The following SPACA6 variants were observed in gnomAD, a reference collection of about 807,000 sequenced individuals.
SPACA6 encodes the protein sperm acrosome associated 6.
For missense variants in SPACA6, 8 were observed against 2.8 expected (o/e 2.88, Z -1.34); for synonymous variants, 6 against 1.5 (o/e 4.05, Z -2.21).
At position 51,704,193 on chromosome 19, in the gene SPACA6, C is replaced by A; in HGVS notation, c.730+7C>A. On this transcript the variant is annotated splice_region_variant and intron_variant, in intron 7 of 8. Transcript: ENST00000637797. ...CTCTACTTCTTTCTTAACGGTGGGG[C>A]GGGGCGCGGCCGCGTGAGTGAGCGG... 2.5e-6 allele frequency: 1 copy of A among 400,788 alleles called. No homozygotes were observed. The allele number at this position is 400,788 out of a possible 1,614,324, so 24.8% of individuals were successfully genotyped here. A position where few individuals can be genotyped will look rare whatever the true frequency, so the allele number is the denominator to read the frequency against.
At chr19:51,700,871 A>G (rs1292372044) in intron 2 of SPACA6, among the ~76,000 whole-genome samples, 1 of 152,150 alleles carries the variant, frequency 6.6e-6, no homozygotes, top group African/African-American at 2.4e-5. Flanking sequence ...ATGTGCTAAA[A>G]ACAAGCCAGC....
chr19:51,706,438 A>G (rs2083516095), downstream of SPACA6, among the ~76,000 whole-genome samples: 2 of 152,146 alleles, frequency 1.3e-5, no homozygotes, highest in African/African-American at 4.8e-5. Flanking sequence ...GCTACTTTCC[A>G]GCCCCAGTGG....
chr19:51,693,294 A>T, upstream of SPACA6: 1 of 750,148 alleles, frequency 1.3e-6, no homozygotes, highest in Non-Finnish European at 2.5e-6. Flanking sequence ...ACCTGTGAGG[A>T]CATCCAGGGT....
upstream of SPACA6, chr19:51,687,795 T>C (rs992480414): frequency 6.6e-6 from 1 of 152,412 alleles, no homozygotes; most frequent in Non-Finnish European, 1.5e-5. Flanking sequence ...TAGTTCCCCA[T>C]TGAAAGCAAC....
chr19:51,707,569 G>C (rs532735906), downstream of SPACA6, among the ~76,000 whole-genome samples: 66 of 152,190 alleles, frequency 4.3e-4, 1 homozygote, highest in African/African-American at 1.5e-3. Flanking sequence ...ACATGTATGG[G>C]ATTCTACCTC....
At chr19:51,701,254 G>C (rs528785599) in intron 2 of SPACA6, among the ~76,000 whole-genome samples, 2 of 152,232 alleles carry the variant, frequency 1.3e-5, no homozygotes, top group South Asian at 2.1e-4. Flanking sequence ...AAGGTGGGCA[G>C]TAGGGATGGG....
Position 51,704,306 on chromosome 19 carries a change from A to C in SPACA6, c.767A>C (p.Gln256Pro), listed in dbSNP as rs984061127. The change falls in exon 8 of 9, where the codon CAG (glutamine) becomes CCG (proline). Residue 256 changes from glutamine to proline, a missense_variant. Gln to Pro is a moderately conservative substitution (Grantham distance 76). Coordinates refer to ENST00000637797, the MANE Select transcript of SPACA6 (RefSeq NM_001316972.2). ...GPPPRAETEL[Q>P]ASFREVLRWA... Reference sequence around the variant, plus strand: ...CCCCCGCGGGCGGAGACAGAGTTGCAGGCCTCGTTCCGGGAAGTGCTGCGC... The same window carrying C: ...CCCCCGCGGGCGGAGACAGAGTTGCCGGCCTCGTTCCGGGAAGTGCTGCGC... 8.2e-5 allele frequency: 33 copies of C among 400,634 alleles called. No homozygotes were observed. Among genetic ancestry groups the C allele is most frequent in the Non-Finnish European group, 1.3e-4 (29 of 226,060 alleles). 24.8% of individuals were successfully genotyped at this position (400,634 alleles called of 1,614,324 possible).
At position 51,705,179 on chromosome 19, in the gene SPACA6, AT is replaced by A; in HGVS notation, c.*59del. ...TTTCCATCCTGAAAATAAAGAATAT[AT>A]TTCAACTCTAGATTGTTTCATCTCC... On this transcript the variant is annotated 3_prime_UTR_variant, in exon 9 of 9. Coordinates refer to ENST00000637797, the MANE Select transcript of SPACA6 (RefSeq NM_001316972.2). 1 of 401,200 alleles carries A rather than the reference AT, an allele frequency of 2.5e-6. No individual in the cohort carries two copies. The highest frequency in any genetic ancestry group is 4.4e-6 in the Non-Finnish European group (1 of 226,216). The allele number at this position is 401,200 out of a possible 1,614,324, so 24.9% of individuals were successfully genotyped here. A position where few individuals can be genotyped will look rare whatever the true frequency, so the allele number is the denominator to read the frequency against.
chr19:51,709,729 A>T (rs180877194), downstream of SPACA6, among the ~76,000 whole-genome samples: 1 of 152,126 alleles, frequency 6.6e-6, no homozygotes, highest in East Asian at 1.9e-4. Context: ...TGGCTAACAG[A>T]CTGGGGCAAA....
chr19:51,708,424 G>A (rs2083526253), downstream of SPACA6, among the ~76,000 whole-genome samples: 1 of 152,210 alleles, frequency 6.6e-6, no homozygotes, highest in Non-Finnish European at 1.5e-5. Flanking sequence ...ATATGGGGCC[G>A]AGGGAAGTAG....
At chr19:51,686,772 G>T (rs562622875), upstream of SPACA6, 132 of 152,266 alleles carry the variant, frequency 8.7e-4, no homozygotes, top group Middle Eastern at 3.4e-3. Flanking sequence ...GATAATAATA[G>T]TTTCTAATAA....
downstream of SPACA6, among the ~76,000 whole-genome samples, chr19:51,712,897 T>C (rs1008378866): frequency 7.2e-5 from 11 of 152,068 alleles, no homozygotes; most frequent in East Asian, 1.9e-3. Context: ...GGCAGGTGCT[T>C]GGTAAGTACC....
At chr19:51,684,072 GAT>G in the SPACA6 span, among the ~76,000 whole-genome samples, 1 of 152,182 alleles carries the variant, frequency 6.6e-6, no homozygotes, top group African/African-American at 2.4e-5. Context: ...GACAATGAAT[GAT>G]AAATATTCTG....
chr19:51,711,113 C>G (rs573290879), intron 2 of SPACA6, among the ~76,000 whole-genome samples: 1 of 152,058 alleles, frequency 6.6e-6, no homozygotes, highest in East Asian at 1.9e-4. Context: ...GTAAAGAAAG[C>G]GTTTCAAGGA....
chr19:51,696,235 T>G (rs1336702641), intron 2 of SPACA6, among the ~76,000 whole-genome samples: 1 of 152,230 alleles, frequency 6.6e-6, no homozygotes, highest in African/African-American at 2.4e-5. Flanking sequence ...CGGGAGAAGC[T>G]GGTGCAATAC....
downstream of SPACA6, chr19:51,705,250 C>T (rs1405777705): frequency 2.5e-6 from 1 of 398,338 alleles, no homozygotes; most frequent in Admixed American, 4.4e-5. Flanking sequence ...TGCAGCAAGC[C>T]CACACATGCC....
upstream of SPACA6, chr19:51,689,086 G>A (rs971719687): frequency 0.091 from 55 of 602 alleles, no homozygotes; most frequent in Middle Eastern, 0.25. Context: ...GAGACTGGCC[G>A]AGGAGGAGGG....
upstream of SPACA6, chr19:51,686,296 G>A (rs1215334743): frequency 6.6e-6 from 1 of 152,110 alleles, no homozygotes; most frequent in Non-Finnish European, 1.5e-5. Flanking sequence ...ACATTTTCCT[G>A]AGCCCCTGCT....
At chr19:51,699,765 T>C (rs1329878327) in intron 2 of SPACA6, among the ~76,000 whole-genome samples, 2 of 152,198 alleles carry the variant, frequency 1.3e-5, no homozygotes, top group Admixed American at 1.3e-4. Flanking sequence ...TACAGTCACA[T>C]TCTGAGGTAC....
Sources: allele counts gnomAD v4.1 joint callset (sites outside exome capture counted in the v4.1 genomes callset), GRCh38; gene constraint gnomAD v4.1.1; transcripts MANE v1.5; gene names NCBI Gene and HGNC (gene_info 2026-07-23, HGNC 2026-07-21).